BRAF: variants seen among roughly 807,000 people sequenced by gnomAD.
The protein encoded by BRAF is B-Raf proto-oncogene, serine/threonine kinase.
BRAF carries 16 observed loss-of-function variants against 104.6 expected under a neutral mutation model. The ratio of observed to expected loss-of-function variants is 0.15; its 90% confidence interval spans 0.10 to 0.23. The LOEUF (loss-of-function observed/expected upper bound fraction) is 0.23, where lower values mean the gene tolerates loss of function less well. Ranked by LOEUF, BRAF falls within the 10% of genes least tolerant of loss-of-function variation. The probability of loss-of-function intolerance (pLI) is 1.00; values close to 1 mark genes in which losing one functional copy is unlikely to be tolerated. For synonymous variants in BRAF, 310 were observed against 341.6 expected, an observed-to-expected ratio of 0.91 and a Z score of 1.02; for missense variants, 541 against 937.3, an observed-to-expected ratio of 0.58 and a Z score of 5.52.
chr7:140,725,424 T>C lies in BRAF; in HGVS notation c.*1070A>G, dbSNP rs1049954147. 3.6e-5 allele frequency: 34 copies of C among 953,238 alleles called. No homozygotes were observed. Among genetic ancestry groups the C allele is most frequent in the Non-Finnish European group, 4.2e-5 (33 of 783,770 alleles). The allele number at this position is 953,238 out of a possible 1,614,324, so 59.0% of individuals were successfully genotyped here. On this transcript the variant is annotated 3_prime_UTR_variant, in exon 20 of 20. Coordinates refer to ENST00000644969, the MANE Select transcript of BRAF (RefSeq NM_001374258.1). ...GGATATATAATTCTGGTGGGAAGTATTGTTTTTTTCCAATTCAATTAAATC... is the reference window on the plus strand; with the variant it reads ...GGATATATAATTCTGGTGGGAAGTACTGTTTTTTTCCAATTCAATTAAATC...
At chr7:140,769,910 T>G (rs1562951125) in intron 14 of BRAF, among the ~76,000 whole-genome samples, 2 of 152,156 alleles carry the variant, frequency 1.3e-5, no homozygotes. Context: ...CTATAATACA[T>G]CTCTTTCTGT....
chr7:140,870,504 A>G (rs1469026523), intron 1 of BRAF, among the ~76,000 whole-genome samples: 1 of 152,170 alleles, frequency 6.6e-6, no homozygotes, highest in Non-Finnish European at 1.5e-5. Flanking sequence ...TAACAGTAAA[A>G]TGCCCTATCT....
In BRAF at chr7:140,834,819, C is replaced by A; in HGVS notation, c.294G>T (p.Gln98His). The change falls in exon 3 of 20, where the codon CAG becomes CAT. Residue 98 changes from glutamine to histidine, a missense_variant. Gln to His is a conservative substitution (Grantham distance 24). Coordinates refer to ENST00000644969, the MANE Select transcript of BRAF (RefSeq NM_001374258.1). The stretch of plus-strand genomic sequence containing the variant: ...TTCCGTTCCCCAGAGATTCCAATAA[C>A]TGTTGTTCTCTTTGTTGGAGTGCAT... ...KLDALQQREQQLLESLGNGTD... is the reference protein window; with the variant it reads ...KLDALQQREQHLLESLGNGTD... 1.2e-6 allele frequency: 2 copies of A among 1,614,066 alleles called. No homozygotes were observed. The highest frequency in any genetic ancestry group is 1.7e-6 in the Non-Finnish European group (2 of 1,179,932).
chr7:140,741,017 G>A (rs959886967), intron 17 of BRAF: 1 of 152,110 alleles, frequency 6.6e-6, no homozygotes, highest in African/African-American at 2.4e-5. Flanking sequence ...ATAATATGTT[G>A]GAGCAACAAG....
chr7:140,775,899 A>G (rs1270516520), intron 14 of BRAF, among the ~76,000 whole-genome samples: 1 of 152,204 alleles, frequency 6.6e-6, no homozygotes, highest in African/African-American at 2.4e-5. Context: ...TTGGCTCTAT[A>G]CTTACTTGCT....
At chr7:140,861,235 A>C (rs937850495) in intron 1 of BRAF, among the ~76,000 whole-genome samples, 1 of 152,214 alleles carries the variant, frequency 6.6e-6, no homozygotes. Flanking sequence ...TTTACAGAGA[A>C]AGTTCACAGT....
At chr7:140,892,043 G>A (rs1417415534) in intron 1 of BRAF, among the ~76,000 whole-genome samples, 1 of 152,124 alleles carries the variant, frequency 6.6e-6, no homozygotes, top group African/African-American at 2.4e-5. Flanking sequence ...ATCATTTGAG[G>A]TCAGGAGTTC....
chr7:140,888,624 T>C (rs564622664), intron 1 of BRAF, among the ~76,000 whole-genome samples: 1 of 152,030 alleles, frequency 6.6e-6, no homozygotes, highest in Admixed American at 6.5e-5. Flanking sequence ...TCACCTGAGG[T>C]TGGGAGTTCG....
intron 1 of BRAF, among the ~76,000 whole-genome samples, chr7:140,898,837 T>C (rs537950267): frequency 2.0e-5 from 3 of 152,236 alleles, no homozygotes; most frequent in Non-Finnish European, 4.4e-5. Context: ...GTTAACTGCA[T>C]TTGTTTTTAA....
In BRAF at chr7:140,873,192, G is replaced by A. The variant is rs563234185; in HGVS notation, c.139-22980C>T. On this transcript the variant is annotated intron_variant, in intron 1 of 19. Coordinates refer to ENST00000644969, the MANE Select transcript of BRAF (RefSeq NM_001374258.1). ...TTTTTTTTTTTTTTTTTTTTTTTGA[G>A]ACAGAGTTCTGCTCGTCGCCCAGGC... Among the ~76,000 whole-genome samples the A allele has an allele frequency of 5.1e-4, 57 of 111,226 alleles. 1 individual carries two copies. Among genetic ancestry groups the A allele is most frequent in the African/African-American group, 2.1e-3 (57 of 27,142 alleles). The allele number at this position is 111,226 out of a possible 152,430, so 73.0% of individuals were successfully genotyped here.
At chr7:140,771,907 G>A (rs1038166246) in intron 14 of BRAF, among the ~76,000 whole-genome samples, 12 of 152,126 alleles carry the variant, frequency 7.9e-5, no homozygotes, top group African/African-American at 2.9e-4. Flanking sequence ...AGGGAGCTAA[G>A]AAGCAATATT....
intron 3 of BRAF, 116 bp downstream of exon 3, chr7:140,834,493 G>A: frequency 7.3e-7 from 1 of 1,369,412 alleles, no homozygotes; most frequent in Non-Finnish European, 1.0e-6. Context: ...GTATGACATG[G>A]ATGCCTCTAT....
intron 1 of BRAF, among the ~76,000 whole-genome samples, chr7:140,872,699 A>T (rs536894989): frequency 6.6e-6 from 1 of 151,298 alleles, no homozygotes; most frequent in Admixed American, 6.6e-5. Flanking sequence ...TACCAAAAAT[A>T]AAAAAAAATA....
rs571760051 is a variant in BRAF at position 140,839,699 on chromosome 7, C to T, written c.241-4827G>A. ...GAGCCGAGATCATGCCACTACACTCCAACCTGAGTGACAGAATGAGATTCT... is the reference window on the plus strand; with the variant it reads ...GAGCCGAGATCATGCCACTACACTCTAACCTGAGTGACAGAATGAGATTCT... On this transcript the variant is annotated intron_variant, in intron 2 of 19. Coordinates refer to ENST00000644969, the MANE Select transcript of BRAF (RefSeq NM_001374258.1). Among the ~76,000 whole-genome samples the T allele has an allele frequency of 3.3e-3, 497 of 152,288 alleles. 3 individuals are homozygous for T. The highest frequency in any genetic ancestry group is 0.011 in the African/African-American group (475 of 41,554).
intron 1 of BRAF, among the ~76,000 whole-genome samples, chr7:140,879,756 A>G (rs1812677671): frequency 6.8e-6 from 1 of 147,414 alleles, no homozygotes; most frequent in African/African-American, 2.5e-5. Flanking sequence ...TTTAAGATGG[A>G]GTCTTGCTCT....
rs1803830562 is a variant in BRAF at position 140,807,978 on chromosome 7, T to C, written c.693A>G (p.Pro231=). 3 of 1,612,362 alleles carry C rather than the reference T, an allele frequency of 1.9e-6. No individual in the cohort carries two copies. In the East Asian group the frequency reaches 6.7e-5, roughly 36 times the overall value. The stretch of plus-strand genomic sequence containing the variant: ...TACATACAAAGTTGTGTGTTGTAAG[T>C]GGAACATTCTCCAACACTTCCACAT... ...ELHVEVLENV[P]LTTHNFVRKT... Residue 231 remains proline, a synonymous_variant, in exon 5 of 20, where the codon CCA becomes CCG. Transcript: ENST00000644969.
chr7:140,888,917 A>G (rs909862121), intron 1 of BRAF, among the ~76,000 whole-genome samples: 2 of 152,082 alleles, frequency 1.3e-5, no homozygotes, highest in African/African-American at 4.8e-5. Context: ...GTCTCCCGGC[A>G]TTTTTGATGT....
At position 140,821,132 on chromosome 7, in the gene BRAF, C is replaced by G. The variant is rs1203108748; in HGVS notation, c.505-12137G>C. Among the ~76,000 whole-genome samples, 4 of 151,808 alleles carry G rather than the reference C, an allele frequency of 2.6e-5. No homozygotes were observed. The East Asian group carries it at 7.8e-4, about 29-fold the overall frequency. On this transcript the variant is annotated intron_variant, in intron 3 of 19. Coordinates refer to ENST00000644969, the MANE Select transcript of BRAF (RefSeq NM_001374258.1). ...TCAGTCTCCCAAGTAGCTGGGGCTA[C>G]AAACTCATGCTAGCACACCTGGCTA...
intron 1 of BRAF, among the ~76,000 whole-genome samples, chr7:140,909,227 A>G (rs532529114): frequency 2.0e-5 from 3 of 152,120 alleles, no homozygotes; most frequent in African/African-American, 7.2e-5. Context: ...GGAGTTCAAG[A>G]CAAGCCTGAC....
Sources: allele counts gnomAD v4.1 joint callset (sites outside exome capture counted in the v4.1 genomes callset), GRCh38; gene constraint gnomAD v4.1.1; transcripts MANE v1.5; gene names NCBI Gene and HGNC (gene_info 2026-07-23, HGNC 2026-07-21).